The following RUNX1 variants were observed in gnomAD, a reference collection of about 807,000 sequenced individuals.
RUNX1 encodes the protein RUNX family transcription factor 1, also known as runt-related transcription factor 1.
Under a neutral mutation model 42.8 loss-of-function variants are expected in RUNX1, and 19 were observed. The observed-to-expected ratio is 0.44, with a 90% CI of 0.31 to 0.65. The LOEUF (loss-of-function observed/expected upper bound fraction) is 0.65. Among genes scored for constraint, RUNX1 ranks in the 30% least tolerant of loss-of-function variants. The pLI, the probability that RUNX1 is intolerant of heterozygous loss-of-function variation, is 0.07. For synonymous variants in RUNX1, 271 were observed against 289.4 expected (o/e 0.94, Z 0.64); for missense variants, 528 against 672.0 (o/e 0.79, Z 2.37).
chr21:34,842,938 C>T (rs979501895), intron 6 of RUNX1, among the ~76,000 whole-genome samples: 3 of 152,150 alleles, frequency 2.0e-5, no homozygotes, highest in East Asian at 1.9e-4. Flanking sequence ...CATGGTGGCA[C>T]GTGCCTGTAG....
At chr21:34,908,711 A>G (rs2058246300) in intron 2 of RUNX1, among the ~76,000 whole-genome samples, 1 of 152,118 alleles carries the variant, frequency 6.6e-6, no homozygotes, top group Non-Finnish European at 1.5e-5. Flanking sequence ...TGCTTTCCCA[A>G]TTTGTAGGTC....
At chr21:34,796,539 G>A (rs2056530023) in intron 8 of RUNX1, among the ~76,000 whole-genome samples, 2 of 152,194 alleles carry the variant, frequency 1.3e-5, no homozygotes, top group Non-Finnish European at 2.9e-5. Flanking sequence ...TTAAGAGTAG[G>A]AAATCTGGGG....
chr21:34,792,604 G>C lies in RUNX1; in HGVS notation c.974C>G (p.Pro325Arg). 6.3e-7 allele frequency: 1 copy of C among 1,590,040 alleles called. No homozygotes were observed. Among genetic ancestry groups the C allele is most frequent in the Non-Finnish European group, 8.6e-7 (1 of 1,168,668 alleles). Residue 325 changes from proline (P) to arginine (R), a missense_variant, in exon 9 of 9, where the codon CCC becomes CGC. By Grantham distance (103) the Pro-to-Arg change is moderately radical (BLOSUM62 -2). Transcript: ENST00000675419. The surrounding 1 kb of genome is among the most constrained non-coding windows in gnomAD (Gnocchi z 6.9). Reference sequence around the variant, plus strand: ...CGGGTCGCTGAACGCTGTCAGGTCGGGTGCCGCTGCAGGGCGGGCAAGAGA... The same window carrying C: ...CGGGTCGCTGAACGCTGTCAGGTCGCGTGCCGCTGCAGGGCGGGCAAGAGA... ...AELSSRLSTA[P>R]DLTAFSDPRQ...
chr21:34,958,742 C>T (rs1442212809), intron 2 of RUNX1, among the ~76,000 whole-genome samples: 1 of 152,002 alleles, frequency 6.6e-6, no homozygotes, highest in Non-Finnish European at 1.5e-5. Flanking sequence ...TATAAAGACA[C>T]ATGCACACGT....
chr21:34,903,700 G>A (rs1054110573), intron 2 of RUNX1, among the ~76,000 whole-genome samples: 16 of 152,110 alleles, frequency 1.1e-4, no homozygotes, highest in African/African-American at 3.6e-4. Flanking sequence ...TATTCTATAG[G>A]CACTCGGATA....
intron 4 of RUNX1, among the ~76,000 whole-genome samples, chr21:34,885,869 G>C (rs73373714): frequency 0.026 from 3,952 of 152,210 alleles, 168 homozygotes; most frequent in African/African-American, 0.091. Flanking sequence ...ACCCACCAAA[G>C]ACAAAACAGA....
At chr21:34,877,565 G>T (rs1350248817) in intron 5 of RUNX1, among the ~76,000 whole-genome samples, 1 of 152,104 alleles carries the variant, frequency 6.6e-6, no homozygotes, top group Non-Finnish European at 1.5e-5. Context: ...TCTGAACCAA[G>T]ATTTAAACTG....
Position 34,806,807 on chromosome 21 carries a change from CAAT to C in RUNX1, c.806-7348_806-7346del, listed in dbSNP as rs566320295. On this transcript the variant is annotated intron_variant, in intron 7 of 8. Transcript: ENST00000675419. ...ACCACATGGATTTAAATTAAAAAGC[CAAT>C]AATAGATAACTGGAAAATCTCCAAA... Among the ~76,000 whole-genome samples, 867 of 151,912 alleles carry C rather than the reference CAAT, an allele frequency of 5.7e-3. 5 individuals carry two copies. Among genetic ancestry groups the C allele is most frequent in the African/African-American group, 0.02 (835 of 41,420 alleles).
chr21:34,863,146 T>C (rs1417863046), intron 5 of RUNX1, among the ~76,000 whole-genome samples: 1 of 152,218 alleles, frequency 6.6e-6, no homozygotes, highest in Non-Finnish European at 1.5e-5. Context: ...GTTAAGTAAT[T>C]TTCCCAAAGT....
At chr21:34,836,307 A>T (rs927753369) in intron 6 of RUNX1, among the ~76,000 whole-genome samples, 1 of 152,204 alleles carries the variant, frequency 6.6e-6, no homozygotes, top group Non-Finnish European at 1.5e-5. Context: ...TTGTGGATGA[A>T]AGGCCATGGG....
intron 2 of RUNX1, among the ~76,000 whole-genome samples, chr21:34,980,116 G>A (rs1569135491): frequency 6.6e-6 from 1 of 152,260 alleles, no homozygotes; most frequent in African/African-American, 2.4e-5. Context: ...GCTATATAAA[G>A]ATCTGCTATT....
intron 5 of RUNX1, among the ~76,000 whole-genome samples, chr21:34,863,798 C>T (rs1445548375): frequency 1.3e-5 from 2 of 152,028 alleles, no homozygotes; most frequent in Non-Finnish European, 2.9e-5. Context: ...TTGTGATCCG[C>T]CCACCTTGGC....
intron 7 of RUNX1, among the ~76,000 whole-genome samples, chr21:34,819,798 C>T (rs925249228): frequency 8.5e-5 from 13 of 152,192 alleles, no homozygotes; most frequent in African/African-American, 1.2e-4. Context: ...GCCAAAGCCT[C>T]GTATTCCCAC....
intron 7 of RUNX1, chr21:34,832,968 A>G (rs2057084654): frequency 6.6e-6 from 1 of 152,148 alleles, no homozygotes; most frequent in African/African-American, 2.4e-5. Flanking sequence ...TATCTTCTGG[A>G]AAGATTTATT....
intron 2 of RUNX1, among the ~76,000 whole-genome samples, chr21:35,017,204 C>T (rs2059165716): frequency 2.6e-5 from 4 of 152,164 alleles, no homozygotes; most frequent in Admixed American, 1.3e-4. Context: ...GGGGTAAAGC[C>T]TTTCTTTCCA....
intron 5 of RUNX1, among the ~76,000 whole-genome samples, chr21:34,870,329 T>C (rs2057719020): frequency 6.6e-6 from 1 of 152,218 alleles, no homozygotes; most frequent in Admixed American, 6.5e-5. Context: ...TGTCCCTCTG[T>C]CTTCCCACAG....
At chr21:34,977,247 T>G (rs1479285103) in intron 2 of RUNX1, among the ~76,000 whole-genome samples, 1 of 152,226 alleles carries the variant, frequency 6.6e-6, no homozygotes, top group Non-Finnish European at 1.5e-5. Flanking sequence ...AATTCCCCAC[T>G]GTACCCAAAG....
chr21:34,840,886 A>G (rs2057224557), intron 6 of RUNX1, among the ~76,000 whole-genome samples: 1 of 152,138 alleles, frequency 6.6e-6, no homozygotes, highest in African/African-American at 2.4e-5. Context: ...TTAAGCCTTC[A>G]CAGAGCCTTT....
chr21:34,835,201 T>C (rs1277498790), intron 6 of RUNX1, among the ~76,000 whole-genome samples: 3 of 151,896 alleles, frequency 2.0e-5, no homozygotes, highest in South Asian at 2.1e-4. Flanking sequence ...CCCCTCTCCC[T>C]CTCCCTCTCC....
Sources: allele counts gnomAD v4.1 joint callset (sites outside exome capture counted in the v4.1 genomes callset), GRCh38; gene constraint gnomAD v4.1.1; non-coding constraint Gnocchi (gnomAD v3.1); transcripts MANE v1.5; gene names NCBI Gene and HGNC (gene_info 2026-07-23, HGNC 2026-07-21).